The following HIP1 variants were observed in gnomAD, a reference collection of about 807,000 sequenced individuals.
The protein encoded by HIP1 is huntingtin interacting protein 1, also known as huntingtin-interacting protein 1.
A neutral mutation model predicts 147.6 loss-of-function variants in HIP1; 65 were observed. The observed-to-expected ratio is 0.44, with a 90% CI of 0.36 to 0.54. HIP1 has a LOEUF of 0.54. HIP1 is among the 20% of genes least tolerant of loss of function. The pLI, the probability that HIP1 is intolerant of heterozygous loss-of-function variation, is 0.00. For missense variants in HIP1, 1,061 were observed against 1,299.6 expected (o/e 0.82, Z 2.82); for synonymous variants, 479 against 504.0 (o/e 0.95, Z 0.67).
At chr7:75,624,902 CCT>C (rs1170754531) in intron 1 of HIP1, among the ~76,000 whole-genome samples, 2 of 151,828 alleles carry the variant, frequency 1.3e-5, no homozygotes, top group Non-Finnish European at 2.9e-5. Flanking sequence ...TATATTCATC[CCT>C]CTGTGTCTGT....
At chr7:75,599,961 G>A (rs964085594) in intron 1 of HIP1, among the ~76,000 whole-genome samples, 3 of 149,684 alleles carry the variant, frequency 2.0e-5, no homozygotes, top group Non-Finnish European at 4.4e-5. Flanking sequence ...TCAGCCTCCC[G>A]AGTAGCTGGG....
chr7:75,559,703 G>GGCGGCC, intron 14 of HIP1, 29 bp downstream of exon 14: 3 of 1,195,140 alleles, frequency 2.5e-6, no homozygotes, highest in Non-Finnish European at 1.2e-6. Context: ...TGCCCCCGGG[G>GGCGGCC]CCCGCCCCCG....
At chr7:75,623,743 T>C in intron 1 of HIP1, among the ~76,000 whole-genome samples, 1 of 152,194 alleles carries the variant, frequency 6.6e-6, no homozygotes, top group South Asian at 2.1e-4. Context: ...AACCAACTCT[T>C]CTCCTCCTCC....
In HIP1 at chr7:75,555,487, G is replaced by A. The variant is rs782304343; in HGVS notation, c.1892C>T (p.Ala631Val). 1.1e-5 allele frequency: 17 copies of A among 1,614,178 alleles called. No individual in the cohort carries two copies. The highest frequency in any genetic ancestry group is 5.5e-5 in the South Asian group (5 of 91,080). Residue 631 changes from alanine (A) to valine (V), a missense_variant, in exon 19 of 31, where the codon GCG becomes GTG. Around this residue, in one of 3 missense-constraint regions of HIP1, gnomAD observed 810 missense variants for 946.8 expected, o/e 0.86. Coordinates refer to ENST00000336926, the MANE Select transcript of HIP1 (RefSeq NM_005338.7). ...CAGGGCGTCTTGTATCACCTGCTCC[G>A]CAGCCTTCCTGGACCCCACCAGAAG... Reference protein sequence around the residue: ...KMLLVGSRKAAEQVIQDALNQ... With the variant: ...KMLLVGSRKAVEQVIQDALNQ...
chr7:75,656,883 A>C (rs924859954), intron 1 of HIP1, among the ~76,000 whole-genome samples: 4 of 152,174 alleles, frequency 2.6e-5, no homozygotes, highest in African/African-American at 9.7e-5. Flanking sequence ...GGGTCTAATA[A>C]ATTTCAAATA....
intron 1 of HIP1, among the ~76,000 whole-genome samples, chr7:75,634,290 GGGGATTTACGA>G (rs1798345798): frequency 6.6e-6 from 1 of 151,598 alleles, no homozygotes; most frequent in African/African-American, 2.4e-5. Flanking sequence ...AACAGATAGA[GGGGATTTACGA>G]GGCTCAGAGT....
At chr7:75,541,862 T>C in intron 29 of HIP1, 57 bp downstream of exon 29, 3 of 1,261,306 alleles carry the variant, frequency 2.4e-6, no homozygotes, top group East Asian at 4.6e-5. Flanking sequence ...GGGAATAATA[T>C]TCAGAGTCCA....
rs1304850348 is a variant in HIP1, at chr7:75,543,069, G to T, written c.2767-95C>A. The T allele has an allele frequency of 3.1e-6, 4 of 1,307,394 alleles. No homozygotes were observed. The African/African-American group carries it at 5.9e-5, about 19-fold the overall frequency. The allele number at this position is 1,307,394 out of a possible 1,614,324, so 81.0% of individuals were successfully genotyped here. A position where few individuals can be genotyped will look rare whatever the true frequency, so the allele number is the denominator to read the frequency against. On this transcript the variant is annotated intron_variant, in intron 27 of 30. Transcript: ENST00000336926. ...CTGATGGTTCTTAGCAAACATATGT[G>T]GGCCAAACGGCAATCACCAATCAGC...
chr7:75,731,990 T>C (rs1306311509), intron 1 of HIP1, among the ~76,000 whole-genome samples: 1 of 152,172 alleles, frequency 6.6e-6, no homozygotes, highest in African/African-American at 2.4e-5. Context: ...CGCAGATCCT[T>C]CTAGCCCAGC....
intron 22 of HIP1, among the ~76,000 whole-genome samples, chr7:75,550,649 G>A (rs1794747115): frequency 6.6e-6 from 1 of 152,178 alleles, no homozygotes; most frequent in Non-Finnish European, 1.5e-5. Flanking sequence ...CTGGCCTCAA[G>A]TGATCCTCCC....
At chr7:75,566,730 C>G (rs1209196194) in intron 9 of HIP1, among the ~76,000 whole-genome samples, 4 of 151,350 alleles carry the variant, frequency 2.6e-5, no homozygotes, top group African/African-American at 7.4e-5. Flanking sequence ...AGGGTATCAA[C>G]CAAACCTGCT....
chr7:75,693,919 CTTTT>C (rs10628011), intron 1 of HIP1, among the ~76,000 whole-genome samples: 44 of 114,854 alleles, frequency 3.8e-4, no homozygotes, highest in African/African-American at 1.4e-3. Context: ...ATTCTCTTTT[CTTTT>C]TTTTTTTTTT....
At chr7:75,574,183 C>T (rs587712527) in intron 7 of HIP1, among the ~76,000 whole-genome samples, 1 of 152,090 alleles carries the variant, frequency 6.6e-6, no homozygotes, top group South Asian at 2.1e-4. Flanking sequence ...ATCCCAGCTA[C>T]TCAGGAGGCT....
chr7:75,543,877 T>C (rs1224198064), intron 27 of HIP1, among the ~76,000 whole-genome samples: 1 of 152,120 alleles, frequency 6.6e-6, no homozygotes, highest in Non-Finnish European at 1.5e-5. Context: ...TGCTGTCACA[T>C]GAAAGGCCTC....
At chr7:75,548,451 A>T in intron 23 of HIP1, among the ~76,000 whole-genome samples, 1 of 151,708 alleles carries the variant, frequency 6.6e-6, no homozygotes, top group East Asian at 1.9e-4. Context: ...TAGCGAGTTC[A>T]GATTTTGGTC....
chr7:75,732,201 T>C (rs1392168957), intron 1 of HIP1, among the ~76,000 whole-genome samples: 1 of 152,130 alleles, frequency 6.6e-6, no homozygotes, highest in Non-Finnish European at 1.5e-5. Flanking sequence ...AATGAAATCA[T>C]AGATATAAAT....
At chr7:75,632,478 T>C (rs946175628) in intron 1 of HIP1, among the ~76,000 whole-genome samples, 1 of 151,980 alleles carries the variant, frequency 6.6e-6, no homozygotes, top group Non-Finnish European at 1.5e-5. Flanking sequence ...TTATCATAGC[T>C]CACGGCAGCC....
At chr7:75,557,824 C>G (rs587632323) in intron 15 of HIP1, 54 bp from the exon 16 acceptor site, 3 of 1,328,766 alleles carry the variant, frequency 2.3e-6, no homozygotes, top group African/African-American at 1.4e-5. Context: ...TAGAGGACAT[C>G]CTCCTTCTAG....
chr7:75,686,960 C>T (rs1554517644), intron 1 of HIP1, among the ~76,000 whole-genome samples: 1 of 150,798 alleles, frequency 6.6e-6, no homozygotes, highest in Non-Finnish European at 1.5e-5. Flanking sequence ...GCTGGGATTC[C>T]AGGCATGAGC....
Sources: allele counts gnomAD v4.1 joint callset (sites outside exome capture counted in the v4.1 genomes callset), GRCh38; gene constraint gnomAD v4.1.1; regional missense constraint gnomAD v4.1.1; transcripts MANE v1.5; gene names NCBI Gene and HGNC (gene_info 2026-07-23, HGNC 2026-07-21).